The following GBGT1 variants were observed in gnomAD, a reference collection of about 807,000 sequenced individuals.
GBGT1 encodes the protein globoside alpha-1,3-N-acetylgalactosaminyltransferase 1 (FORS blood group), also known as globoside alpha-1,3-N-acetylgalactosaminyltransferase 1.
Under a neutral mutation model 20.9 loss-of-function variants are expected in GBGT1, and 18 were observed. That is an observed-to-expected ratio of 0.86 (90% confidence interval 0.60 to 1.28). The LOEUF (loss-of-function observed/expected upper bound fraction) is 1.28. Ranked by LOEUF, GBGT1 falls within the 50% of genes most tolerant of loss-of-function variation. The pLI, the probability that GBGT1 is intolerant of heterozygous loss-of-function variation, is 0.00. For missense variants in GBGT1, 432 were observed against 455.7 expected, an observed-to-expected ratio of 0.95 and a Z score of 0.47; for synonymous variants, 168 against 180.8, an observed-to-expected ratio of 0.93 and a Z score of 0.57.
At chr9:133,156,091 A>G (rs1832862163) in intron 3 of GBGT1, 26 bp from the exon 4 acceptor site, 14 of 1,613,314 alleles carry the variant, frequency 8.7e-6, no homozygotes, top group Middle Eastern at 1.7e-4. Context: ...AGAAAGAGCC[A>G]TCATCATGGG....
In GBGT1 at chr9:133,155,997, A is replaced by G. The variant is rs981327390; in HGVS notation, c.188+18T>C. On this transcript the variant is annotated intron_variant, in intron 4 of 6. Transcript: ENST00000372040. ...ACCACCCTCACGGCCACAAAAGAGGAAATGCCAGTCTCCTTACCATACCAC... is the reference window on the plus strand; with the variant it reads ...ACCACCCTCACGGCCACAAAAGAGGGAATGCCAGTCTCCTTACCATACCAC... The G allele has an allele frequency of 6.2e-7, 1 of 1,613,836 alleles. No individual in the cohort carries two copies. The highest frequency in any genetic ancestry group is 8.5e-7 in the Non-Finnish European group (1 of 1,179,816).
At position 133,153,322 on chromosome 9, in the gene GBGT1, A is replaced by G. The variant is rs1198389204; in HGVS notation, c.*255T>C. On this transcript the variant is annotated 3_prime_UTR_variant, in exon 7 of 7. Transcript: ENST00000372040. Reference sequence around the variant, plus strand: ...AAAGGCACGGCTGCAGAACGTGGCAAGCCTGCCGGGCCCTGCCTTTGTAAC... The same window carrying G: ...AAAGGCACGGCTGCAGAACGTGGCAGGCCTGCCGGGCCCTGCCTTTGTAAC... The G allele has an allele frequency of 2.8e-6, 1 of 363,072 alleles. No homozygotes were observed. The highest frequency in any genetic ancestry group is 4.5e-5 in the Admixed American group (1 of 22,238). The allele number at this position is 363,072 out of a possible 1,614,324, so 22.5% of individuals were successfully genotyped here. A position where few individuals can be genotyped will look rare whatever the true frequency, so the allele number is the denominator to read the frequency against.
rs1428776407 is a variant in GBGT1 at position 133,154,153 on chromosome 9, C to A, written c.468G>T (p.Gly156=). The change falls in exon 7 of 7, where the codon GGG becomes GGT. Residue 156 remains glycine (G), a synonymous_variant. Coordinates refer to ENST00000372040, the MANE Select transcript of GBGT1 (RefSeq NM_021996.6). This position sits in a 1 kb window ranked among gnomAD's most constrained non-coding sequence, Gnocchi z 4.2. ...GAAGCCGGTGGGGACCCAGCGGGAC[C>A]CCGGGAACGGCTGCAGGGTTGTCAG... is the stretch of plus-strand genomic sequence containing the variant. ...IFTDNPAAVP[G]VPLGPHRLLS... 1.1e-5 allele frequency: 18 copies of A among 1,597,472 alleles called. No individual in the cohort carries two copies. Among genetic ancestry groups the A allele is most frequent in the Non-Finnish European group, 1.5e-5 (17 of 1,167,190 alleles).
rs1832797429 is a variant in GBGT1 at position 133,154,111 on chromosome 9, G to A, written c.510C>T (p.Ile170=). ...GPHRLLSSIP[I]QGHSHWEETS... is the part of the protein sequence containing the mutation. ...TCTCCTCCCAGTGGGAGTGACCCTG[G>A]ATGGGGATGGAGCTGAGAAGCCGGT... The change falls in exon 7 of 7, where the codon ATC becomes ATT. Residue 170 remains isoleucine, a synonymous_variant. Transcript: ENST00000372040. This position sits in a 1 kb window ranked among gnomAD's most constrained non-coding sequence, Gnocchi z 4.2. 4 of 1,611,860 alleles carry A rather than the reference G, an allele frequency of 2.5e-6. No individual in the cohort carries two copies. Among genetic ancestry groups the A allele is most frequent in the South Asian group, 1.1e-5 (1 of 91,074 alleles).
chr9:133,162,486 G>A lies in GBGT1; in HGVS notation c.-74C>T, dbSNP rs868531225. 3.5e-5 allele frequency: 43 copies of A among 1,238,334 alleles called. No individual in the cohort carries two copies. The highest frequency in any genetic ancestry group is 2.8e-4 in the African/African-American group (19 of 67,842). 76.7% of individuals were successfully genotyped at this position (1,238,334 alleles called of 1,614,324 possible). A position where few individuals can be genotyped will look rare whatever the true frequency, so the allele number is the denominator to read the frequency against. On this transcript the variant is annotated 5_prime_UTR_variant, in exon 2 of 7. Transcript: ENST00000372040. ...CCTGGGCGGATGAGGCTGTCCCCTC[G>A]CAGGGATGTCAGGCTCTGAGCCTGG...
At chr9:133,158,835 C>T (rs1227278946) in intron 3 of GBGT1, among the ~76,000 whole-genome samples, 2 of 152,210 alleles carry the variant, frequency 1.3e-5, no homozygotes, top group East Asian at 3.8e-4. Flanking sequence ...AACAGCTTGC[C>T]GTTGCCCCGC....
At chr9:133,162,964 G>A in intron 1 of GBGT1, 1 of 157,042 alleles carries the variant, frequency 6.4e-6, no homozygotes, top group Non-Finnish European at 1.4e-5. Context: ...TCTGGGAGGC[G>A]CACGGTGGCA....
At position 133,153,504 on chromosome 9, in the gene GBGT1, G is replaced by T; in HGVS notation, c.*73C>A. The T allele has an allele frequency of 3.5e-6, 4 of 1,127,588 alleles. No homozygotes were observed. Among genetic ancestry groups the T allele is most frequent in the Non-Finnish European group, 5.1e-6 (4 of 784,252 alleles). 69.8% of individuals were successfully genotyped at this position (1,127,588 alleles called of 1,614,324 possible). A position where few individuals can be genotyped will look rare whatever the true frequency, so the allele number is the denominator to read the frequency against. ...CTGACAGGGAGGCGGGACAGGGCTG[G>T]TCTGCACGCTAGTGAAGCACTGGTG... On this transcript the variant is annotated 3_prime_UTR_variant, in exon 7 of 7. Coordinates refer to ENST00000372040, the MANE Select transcript of GBGT1 (RefSeq NM_021996.6).
In GBGT1 at chr9:133,153,709, G is replaced by C. The variant is rs565649672; in HGVS notation, c.912C>G (p.His304Gln). ...AWREESHLNR[H>Q]FISNKPSKVL... ...CCTTGGACGGCTTGTTTGAGATGAA[G>C]TGACGGTTCAGGTGGCTTTCCTCCC... is the stretch of plus-strand genomic sequence containing the variant. Residue 304 changes from histidine (H) to glutamine (Q), a missense_variant, in exon 7 of 7, where the codon CAC becomes CAG. Coordinates refer to ENST00000372040, the MANE Select transcript of GBGT1 (RefSeq NM_021996.6). 6.2e-7 allele frequency: 1 copy of C among 1,613,922 alleles called. No individual in the cohort carries two copies. Among genetic ancestry groups the C allele is most frequent in the African/African-American group, 1.3e-5 (1 of 75,064 alleles).
chr9:133,160,087 A>C (rs1395389615), intron 3 of GBGT1: 2 of 249,938 alleles, frequency 8.0e-6, no homozygotes, highest in Non-Finnish European at 1.8e-5. Flanking sequence ...CGAAGGGGGC[A>C]AAGACCAACC....
chr9:133,161,562 T>C (rs766873910), intron 2 of GBGT1, 30 bp from the exon 3 acceptor site: 25 of 1,522,822 alleles, frequency 1.6e-5, no homozygotes, highest in African/African-American at 2.8e-5. Context: ...AAAAAATCTG[T>C]TGATCCACTC....
At chr9:133,158,849 C>G (rs1449849623) in intron 3 of GBGT1, among the ~76,000 whole-genome samples, 1 of 152,220 alleles carries the variant, frequency 6.6e-6, no homozygotes, top group Non-Finnish European at 1.5e-5. Flanking sequence ...GCCCCGCCCC[C>G]AGCCCCTGGG....
At chr9:133,161,867 G>T (rs1833056596) in intron 2 of GBGT1, among the ~76,000 whole-genome samples, 1 of 152,224 alleles carries the variant, frequency 6.6e-6, no homozygotes, top group East Asian at 1.9e-4. Context: ...GGTGAATTTG[G>T]GAGCGTGAAC....
At position 133,160,152 on chromosome 9, in the gene GBGT1, G is replaced by C. The variant is rs530570231; in HGVS notation, c.137+1315C>G. 1.2e-3 allele frequency: 411 copies of C among 356,090 alleles called. 4 individuals carry two copies. The highest frequency in any genetic ancestry group is 8.0e-3 in the South Asian group (407 of 50,788). The allele number at this position is 356,090 out of a possible 1,614,324, so 22.1% of individuals were successfully genotyped here. ...TAAAAATACAAAAATTAGCGTGTGT[G>C]CCTGTAATCCCAGCTATTCAGGTGG... On this transcript the variant is annotated intron_variant, in intron 3 of 6. Transcript: ENST00000372040.
At position 133,153,951 on chromosome 9, in the gene GBGT1, C is replaced by G; in HGVS notation, c.670G>C (p.Val224Leu). Residue 224 changes from valine to leucine, a missense_variant, in exon 7 of 7, where the codon GTG becomes CTG. By Grantham distance (32) the Val-to-Leu change is conservative (BLOSUM62 1). Transcript: ENST00000372040. ...PWGPETLGDL[V>L]AAIHPSYYAV... The stretch of plus-strand genomic sequence containing the variant: ...TAGTAGCTTGGGTGAATGGCAGCCA[C>G]CAGGTCTCCCAAGGTCTCAGGGCCC... The G allele has an allele frequency of 6.2e-7, 1 of 1,611,728 alleles. No homozygotes were observed. The highest frequency in any genetic ancestry group is 2.2e-5 in the East Asian group (1 of 44,768).
rs747270969 is a variant in GBGT1 at position 133,154,027 on chromosome 9, C to G, written c.594G>C (p.Glu198Asp). 11 of 1,613,846 alleles carry G rather than the reference C, an allele frequency of 6.8e-6. No individual in the cohort carries two copies. The highest frequency in any genetic ancestry group is 8.5e-6 in the Non-Finnish European group (10 of 1,179,994). ...CATCAAGGCAGAAGAGGTAGTCCAC[C>G]TCCCGGTGAGCCCTCTTAGCAATGT... ...SQHIAKRAHR[E>D]VDYLFCLDVD... is the part of the protein sequence containing the mutation. Residue 198 changes from glutamate (E) to aspartate (D), a missense_variant, in exon 7 of 7, where the codon GAG becomes GAC. Glu to Asp is a conservative substitution (Grantham distance 45). Transcript: ENST00000372040. This position sits in a 1 kb window ranked among gnomAD's most constrained non-coding sequence, Gnocchi z 4.2.
In GBGT1 at chr9:133,154,271, A is replaced by G. The variant is rs1336563626; in HGVS notation, c.360-10T>C. On this transcript the variant is annotated splice_polypyrimidine_tract_variant and intron_variant, in intron 6 of 6. Coordinates refer to ENST00000372040, the MANE Select transcript of GBGT1 (RefSeq NM_021996.6). The surrounding 1 kb of genome is among the most constrained non-coding windows in gnomAD (Gnocchi z 4.2). ...GATGAAATGAGTGTACCTAGTGATG[A>G]TCACCCGGTCACCCACTGCTACACC... 1.3e-6 allele frequency: 2 copies of G among 1,493,878 alleles called. No homozygotes were observed. Among genetic ancestry groups the G allele is most frequent in the Non-Finnish European group, 1.8e-6 (2 of 1,113,520 alleles). The allele number at this position is 1,493,878 out of a possible 1,614,324, so 92.5% of individuals were successfully genotyped here. A position where few individuals can be genotyped will look rare whatever the true frequency, so the allele number is the denominator to read the frequency against.
chr9:133,153,610 T>C lies in GBGT1; in HGVS notation c.1011A>G (p.Thr337=). 1 of 1,579,742 alleles carries C rather than the reference T, an allele frequency of 6.3e-7. No homozygotes were observed. Among genetic ancestry groups the C allele is most frequent in the Non-Finnish European group, 8.6e-7 (1 of 1,161,968 alleles). ...PPSLKLIRFS[T]LDKDISCLRS ...TCAGGCAGCTGATATCCTTGTCCAG[T>C]GTAGAAAAGCGGATCAGCTTCAGGC... Residue 337 remains threonine (T), a synonymous_variant, in exon 7 of 7, where the codon ACA becomes ACG. Transcript: ENST00000372040.
chr9:133,157,409 C>T (rs1281083675), intron 3 of GBGT1, among the ~76,000 whole-genome samples: 1 of 152,210 alleles, frequency 6.6e-6, no homozygotes, highest in East Asian at 1.9e-4. Flanking sequence ...TGTTGGCCAT[C>T]TGTCTACCTT....
Sources: gnomAD v4.1 joint callset for allele counts (sites outside exome capture counted in the v4.1 genomes callset) on GRCh38, gnomAD v4.1.1 for gene constraint, Gnocchi (gnomAD v3.1) non-coding constraint, MANE v1.5 for transcripts, NCBI Gene and HGNC (gene_info 2026-07-23, HGNC 2026-07-21) for gene names.